Variants in ATP8B4 observed in about 807,000 individuals in gnomAD.
ATP8B4 encodes the protein probable phospholipid-transporting ATPase IM.
A neutral mutation model predicts 145.6 loss-of-function variants in ATP8B4; 133 were observed. The ratio of observed to expected loss-of-function variants is 0.91; its 90% CI spans 0.79 to 1.05. ATP8B4 has a LOEUF of 1.05. Ranked by LOEUF, ATP8B4 falls within the 50% of genes least tolerant of loss-of-function variation. The probability of loss-of-function intolerance (pLI) is 0.00; values close to 1 mark genes in which losing one functional copy is unlikely to be tolerated. For missense variants in ATP8B4, 1,458 were observed against 1,425.2 expected (o/e 1.02, Z -0.37); for synonymous variants, 507 against 492.9 (o/e 1.03, Z -0.38).
At chr15:50,060,092 G>A (rs1239812141) in intron 3 of ATP8B4, among the ~76,000 whole-genome samples, 2 of 152,068 alleles carry the variant, frequency 1.3e-5, no homozygotes, top group Non-Finnish European at 2.9e-5. Flanking sequence ...TGCCTCGGCC[G>A]AGCCAGAGCC....
chr15:49,860,434 T>C lies in ATP8B4; in HGVS notation c.3339A>G (p.Pro1113=). The C allele has an allele frequency of 1.2e-6, 2 of 1,613,606 alleles. No individual in the cohort carries two copies. Among genetic ancestry groups the C allele is most frequent in the Non-Finnish European group, 1.7e-6 (2 of 1,179,884 alleles). The change falls in exon 28 of 28, where the codon CCA becomes CCG. Residue 1113 remains proline (P), a synonymous_variant. Coordinates refer to ENST00000284509, the MANE Select transcript of ATP8B4 (RefSeq NM_024837.4). ...TGCGGGTCCGAGGCCTTCGGCTACT[T>C]GGAGGCCTTGCCTTCTTTTGAGCCT... ...WQKAQKKARP[P]SSRRPRTRRS...
chr15:50,086,163 AAAAT>A (rs1238338759), intron 2 of ATP8B4, among the ~76,000 whole-genome samples: 1 of 19,966 alleles, frequency 5.0e-5, no homozygotes, highest in South Asian at 1.4e-3. Flanking sequence ...TATATATAAT[AAAAT>A]AATATAGAGA....
intron 23 of ATP8B4, among the ~76,000 whole-genome samples, chr15:49,892,582 T>C (rs2036948728): frequency 6.6e-6 from 1 of 152,168 alleles, no homozygotes; most frequent in South Asian, 2.1e-4. Flanking sequence ...AGTGAGGCAA[T>C]GTCAAGTTTT....
upstream of ATP8B4, among the ~76,000 whole-genome samples, chr15:50,122,061 T>C (rs1057111932): frequency 6.6e-6 from 1 of 152,174 alleles, no homozygotes; most frequent in Non-Finnish European, 1.5e-5. Flanking sequence ...ATAAGTCTAA[T>C]ATACAACGGA....
intron 9 of ATP8B4, among the ~76,000 whole-genome samples, chr15:49,992,259 A>G (rs2047100956): frequency 6.6e-6 from 1 of 152,146 alleles, no homozygotes; most frequent in Admixed American, 6.6e-5. Context: ...AGGGCCTGAG[A>G]ACTTTAGGGC....
chr15:50,096,671 G>C (rs555595291), intron 2 of ATP8B4, among the ~76,000 whole-genome samples: 2 of 152,294 alleles, frequency 1.3e-5, no homozygotes, highest in Admixed American at 1.3e-4. Context: ...CCTATGAATG[G>C]AAGGTTTATG....
At chr15:50,112,049 C>T (rs1286386695) in intron 1 of ATP8B4, among the ~76,000 whole-genome samples, 2 of 152,018 alleles carry the variant, frequency 1.3e-5, no homozygotes, top group Admixed American at 1.3e-4. Context: ...GGTGATGGGA[C>T]TTAAAGAGAA....
At chr15:50,166,586 A>G (rs1355627858) in intron 1 of ATP8B4, among the ~76,000 whole-genome samples, 1 of 152,212 alleles carries the variant, frequency 6.6e-6, no homozygotes, top group Non-Finnish European at 1.5e-5. Context: ...CCAGGAATGC[A>G]CACAGCTGAC....
intron 12 of ATP8B4, among the ~76,000 whole-genome samples, chr15:49,978,128 G>A (rs1180004324): frequency 1.3e-5 from 2 of 152,170 alleles, no homozygotes; most frequent in Non-Finnish European, 2.9e-5. Flanking sequence ...AAGAAAGAAT[G>A]TATACATAAT....
chr15:49,871,893 G>C (rs192360733), intron 25 of ATP8B4, among the ~76,000 whole-genome samples: 2 of 152,294 alleles, frequency 1.3e-5, no homozygotes, highest in South Asian at 2.1e-4. Flanking sequence ...GTGGGAGTGG[G>C]ACTGGGAGTG....
intron 2 of ATP8B4, among the ~76,000 whole-genome samples, chr15:50,087,401 T>C (rs1005583698): frequency 2.8e-5 from 4 of 145,252 alleles, no homozygotes; most frequent in African/African-American, 1.0e-4. Context: ...ACATATCATA[T>C]ATTTATTATA....
At chr15:49,919,073 C>T in intron 18 of ATP8B4, 123 bp from the exon 19 acceptor site, 1 of 713,370 alleles carries the variant, frequency 1.4e-6, no homozygotes, top group Non-Finnish European at 2.3e-6. Context: ...AATTATGATA[C>T]ATTGATATAG....
intron 2 of ATP8B4, among the ~76,000 whole-genome samples, chr15:50,084,139 C>T (rs1286916021): frequency 3.9e-5 from 6 of 152,234 alleles, no homozygotes; most frequent in Admixed American, 2.6e-4. Flanking sequence ...ACTACACCAC[C>T]GTGATGTAAC....
intron 3 of ATP8B4, among the ~76,000 whole-genome samples, chr15:50,073,517 C>A (rs113221741): frequency 0.012 from 1,767 of 152,196 alleles, 41 homozygotes; most frequent in African/African-American, 0.041. Context: ...GGTTCCAGGT[C>A]CTTGCTATTG....
At position 49,979,572 on chromosome 15, in the gene ATP8B4, G is replaced by A. The variant is rs115545698; in HGVS notation, c.1034+45C>T. ...TAAAACAAATAATATTGGAAACAAAGGTTTTGATGAAATTATTTCATTAAA... is the reference window on the plus strand; with the variant it reads ...TAAAACAAATAATATTGGAAACAAAAGTTTTGATGAAATTATTTCATTAAA... On this transcript the variant is annotated intron_variant, in intron 12 of 27. Transcript: ENST00000284509. 4.5e-6 allele frequency: 6 copies of A among 1,346,828 alleles called. No individual in the cohort carries two copies. In the Admixed American group the frequency reaches 1.2e-4, roughly 27 times the overall value. The allele number at this position is 1,346,828 out of a possible 1,614,324, so 83.4% of individuals were successfully genotyped here.
At chr15:49,952,766 G>A (rs1052344847) in intron 14 of ATP8B4, among the ~76,000 whole-genome samples, 1 of 152,128 alleles carries the variant, frequency 6.6e-6, no homozygotes, top group African/African-American at 2.4e-5. Context: ...TCATTTGGAG[G>A]TGAAGAGGTG....
chr15:50,070,805 A>G (rs1309252950), intron 3 of ATP8B4, among the ~76,000 whole-genome samples: 1 of 152,066 alleles, frequency 6.6e-6, no homozygotes, highest in Non-Finnish European at 1.5e-5. Context: ...CAGTGGCACA[A>G]TCTTGGCTCA....
rs2038838159 is a variant in ATP8B4, at chr15:49,908,220, T to C, written c.2142-6981A>G. The stretch of plus-strand genomic sequence containing the variant: ...TAAAATCTAGATCTGTTTGCATCTA[T>C]CTTCCTTCAGCAAGAGTCAAGTTCT... On this transcript the variant is annotated intron_variant, in intron 20 of 27. Transcript: ENST00000284509. 5 of 404,114 alleles carry C rather than the reference T, an allele frequency of 1.2e-5. No homozygotes were observed. The East Asian group carries it at 3.7e-4, about 30-fold the overall frequency. The allele number at this position is 404,114 out of a possible 1,614,324, so 25.0% of individuals were successfully genotyped here.
intron 23 of ATP8B4, among the ~76,000 whole-genome samples, chr15:49,885,405 T>G (rs1566929470): frequency 6.6e-6 from 1 of 152,220 alleles, no homozygotes; most frequent in Non-Finnish European, 1.5e-5. Flanking sequence ...GATTTATGTC[T>G]TTATTATCTG....
Sources: allele counts gnomAD v4.1 joint callset (sites outside exome capture counted in the v4.1 genomes callset), GRCh38; gene constraint gnomAD v4.1.1; transcripts MANE v1.5; gene names NCBI Gene and HGNC (gene_info 2026-07-23, HGNC 2026-07-21).